ADGRL2: variants seen among roughly 807,000 people sequenced by gnomAD.
ADGRL2 encodes calcium-independent alpha-latrotoxin receptor 2.
In ADGRL2, 44 loss-of-function variants were observed where a neutral mutation model predicts 157.4. The observed-to-expected ratio is 0.28, with a 90% CI of 0.22 to 0.36. The LOEUF is 0.36. Among genes scored for constraint, ADGRL2 ranks in the 10% least tolerant of loss-of-function variants. The pLI, the probability that ADGRL2 is intolerant of heterozygous loss-of-function variation, is 1.00. For missense variants in ADGRL2, 1,510 were observed against 1,768.9 expected, an observed-to-expected ratio of 0.85 and a Z score of 2.63; for synonymous variants, 585 against 624.7, an observed-to-expected ratio of 0.94 and a Z score of 0.95.
rs528600144 is a variant in ADGRL2, at chr1:81,419,342, TA to T, written c.-301-25693del. ...CCTCAGCCTCCCTAGTAGCTGGGAT[TA>T]CAGGTGTCCACCACCACACCTGGCT... On this transcript the variant is annotated intron_variant, in intron 1 of 24. Transcript: ENST00000370721. 1.2e-4 allele frequency among the ~76,000 whole-genome samples: 19 copies of T among 152,244 alleles called. 1 individual carries two copies. The East Asian group carries it at 3.7e-3, about 29-fold the overall frequency.
intron 1 of ADGRL2, among the ~76,000 whole-genome samples, chr1:81,322,423 G>A (rs968152405): frequency 8.6e-5 from 13 of 151,964 alleles, no homozygotes; most frequent in Non-Finnish European, 1.8e-4. Context: ...ATGTATATCA[G>A]TTAAAAACAT....
At chr1:81,461,934 G>C (rs1241153511) in intron 2 of ADGRL2, among the ~76,000 whole-genome samples, 4 of 143,926 alleles carry the variant, frequency 2.8e-5, no homozygotes, top group East Asian at 4.0e-4. Context: ...GAAGAAAGGG[G>C]GGGGGGGGTG....
intron 3 of ADGRL2, among the ~76,000 whole-genome samples, chr1:81,691,665 AT>A (rs1439009385): frequency 2.6e-5 from 4 of 151,430 alleles, no homozygotes; most frequent in Non-Finnish European, 5.9e-5. Context: ...CACTTAGCTA[AT>A]TTTGTATTTT....
intron 2 of ADGRL2, among the ~76,000 whole-genome samples, chr1:81,772,685 C>T (rs554154342): frequency 1.6e-4 from 25 of 152,118 alleles, no homozygotes; most frequent in Non-Finnish European, 2.8e-4. Context: ...GCCGAGACTG[C>T]GCTACTGCAT....
At chr1:81,366,342 A>G (rs2076066497) in intron 1 of ADGRL2, among the ~76,000 whole-genome samples, 1 of 152,188 alleles carries the variant, frequency 6.6e-6, no homozygotes, top group Non-Finnish European at 1.5e-5. Context: ...TTCTTTTAAA[A>G]AGACTTTTTT....
chr1:81,386,041 ATTTG>A lies in ADGRL2; in HGVS notation c.-301-58991_-301-58988del, dbSNP rs546929079. Reference sequence around the variant, plus strand: ...AAAAAATGGCTTCAGCGCAATCCTCATTTGTTTTCTGTTTAAATAGCGCAATCTA... The same window carrying A: ...AAAAAATGGCTTCAGCGCAATCCTCATTTTCTGTTTAAATAGCGCAATCTA... On this transcript the variant is annotated intron_variant, in intron 1 of 24. Coordinates refer to the ADGRL2 transcript ENST00000370721. 3.9e-5 allele frequency among the ~76,000 whole-genome samples: 6 copies of A among 152,128 alleles called. No individual in the cohort carries two copies. In the South Asian group the frequency reaches 8.3e-4, roughly 21 times the overall value.
chr1:81,792,759 C>T (rs973569771), intron 2 of ADGRL2, among the ~76,000 whole-genome samples: 2 of 151,816 alleles, frequency 1.3e-5, no homozygotes, highest in African/African-American at 4.8e-5. Flanking sequence ...ACAGTATTTA[C>T]AATATTTAAC....
intron 1 of ADGRL2, among the ~76,000 whole-genome samples, chr1:81,753,911 G>C (rs2085573261): frequency 6.6e-6 from 1 of 152,166 alleles, no homozygotes; most frequent in Non-Finnish European, 1.5e-5. Flanking sequence ...ACCATCTTTT[G>C]AATATATGAT....
intron 1 of ADGRL2, among the ~76,000 whole-genome samples, chr1:81,802,692 G>A (rs577085684): frequency 6.6e-6 from 1 of 152,140 alleles, no homozygotes; most frequent in Non-Finnish European, 1.5e-5. Flanking sequence ...CTGGGGCCCG[G>A]GGCCACCCCA....
intron 2 of ADGRL2, among the ~76,000 whole-genome samples, chr1:81,893,970 A>G (rs2094326533): frequency 1.3e-5 from 2 of 152,204 alleles, no homozygotes; most frequent in Non-Finnish European, 2.9e-5. Context: ...TTACATTGTC[A>G]TTTAAGGAAT....
chr1:81,580,504 C>T (rs2080885463), intron 2 of ADGRL2, among the ~76,000 whole-genome samples: 1 of 150,594 alleles, frequency 6.6e-6, no homozygotes, highest in Non-Finnish European at 1.5e-5. Flanking sequence ...TAGAGGGGGC[C>T]TTGATGAAGC....
intron 1 of ADGRL2, among the ~76,000 whole-genome samples, chr1:81,716,510 C>G: frequency 6.6e-6 from 1 of 152,008 alleles, no homozygotes; most frequent in East Asian, 1.9e-4. Context: ...CTGCCATAAC[C>G]TTATAGACCA....
At chr1:81,981,778 C>T (rs766030501) in intron 18 of ADGRL2, 30 bp from the exon 19 acceptor site, 1 of 1,584,862 alleles carries the variant, frequency 6.3e-7, no homozygotes, top group Non-Finnish European at 8.6e-7. Context: ...CTCATTGAAC[C>T]TGTTAAAAAA....
chr1:81,807,670 T>C (rs2089330104), intron 1 of ADGRL2, among the ~76,000 whole-genome samples: 1 of 152,096 alleles, frequency 6.6e-6, no homozygotes, highest in African/African-American at 2.4e-5. Flanking sequence ...CAAGGGTCTG[T>C]CAACCCTAAA....
chr1:81,788,146 T>C (rs1240538501), intron 2 of ADGRL2, among the ~76,000 whole-genome samples: 2 of 152,184 alleles, frequency 1.3e-5, no homozygotes, highest in African/African-American at 4.8e-5. Flanking sequence ...TGGCACAAGA[T>C]ACTTTGCCTT....
At chr1:81,873,866 A>T (rs2093761012) in intron 2 of ADGRL2, among the ~76,000 whole-genome samples, 1 of 152,142 alleles carries the variant, frequency 6.6e-6, no homozygotes, top group African/African-American at 2.4e-5. Context: ...TTAATAAAGT[A>T]TTGAAATTTA....
chr1:81,450,259 G>T (rs1557697804), intron 2 of ADGRL2, among the ~76,000 whole-genome samples: 1 of 152,132 alleles, frequency 6.6e-6, no homozygotes, highest in Non-Finnish European at 1.5e-5. Context: ...ATTTGACATT[G>T]GTCTTGAAAC....
chr1:81,818,124 C>G (rs985172082), intron 1 of ADGRL2, among the ~76,000 whole-genome samples: 4 of 151,968 alleles, frequency 2.6e-5, no homozygotes, highest in African/African-American at 9.7e-5. Flanking sequence ...GAGCTACAAT[C>G]TTGCTACTAC....
intron 3 of ADGRL2, among the ~76,000 whole-genome samples, chr1:81,610,921 T>G (rs1461674193): frequency 6.6e-6 from 1 of 152,140 alleles, no homozygotes; most frequent in African/African-American, 2.4e-5. Context: ...ATACATACTT[T>G]TGGTGATAGG....
Sources: allele counts gnomAD v4.1 joint callset (sites outside exome capture counted in the v4.1 genomes callset), GRCh38; gene constraint gnomAD v4.1.1; transcripts MANE v1.5; gene names NCBI Gene and HGNC (gene_info 2026-07-23, HGNC 2026-07-21).